CWF19L2: variants seen among roughly 807,000 people sequenced by gnomAD.
CWF19L2 encodes the protein CWF19-like protein 2.
A neutral mutation model predicts 111.7 loss-of-function variants in CWF19L2; 98 were observed. That is an observed-to-expected ratio of 0.88 (90% CI 0.75 to 1.04). CWF19L2 has a LOEUF of 1.04. CWF19L2 is among the 50% of genes least tolerant of loss of function. The pLI, the probability that CWF19L2 is intolerant of heterozygous loss-of-function variation, is 0.00. For synonymous variants in CWF19L2, 351 were observed against 342.9 expected (o/e 1.02, Z -0.26); for missense variants, 1,101 against 1,051.4 (o/e 1.05, Z -0.65).
chr11:107,395,414 G>A (rs1470648518), intron 10 of CWF19L2, among the ~76,000 whole-genome samples: 2 of 152,090 alleles, frequency 1.3e-5, no homozygotes, highest in East Asian at 3.9e-4. Context: ...ACAAATACAA[G>A]AATCACTTTA....
chr11:107,363,583 G>A (rs1276418070), intron 12 of CWF19L2, among the ~76,000 whole-genome samples: 1 of 136,114 alleles, frequency 7.3e-6, no homozygotes. Flanking sequence ...AGCTTCCTAA[G>A]TGAAGGAGAA....
chr11:107,391,830 CACTT>C (rs1165864233), intron 11 of CWF19L2, among the ~76,000 whole-genome samples: 1 of 152,172 alleles, frequency 6.6e-6, no homozygotes, highest in Non-Finnish European at 1.5e-5. Flanking sequence ...TGGCTCCAGA[CACTT>C]AATTTCTGGC....
chr11:107,329,792 TA>T, intron 17 of CWF19L2, 125 bp downstream of exon 17: 2 of 557,086 alleles, frequency 3.6e-6, no homozygotes, highest in Non-Finnish European at 6.2e-6. Context: ...ATTCCCTCTC[TA>T]AAAACTGGGT....
chr11:107,365,167 T>C (rs1233273307), intron 12 of CWF19L2, among the ~76,000 whole-genome samples: 3 of 148,362 alleles, frequency 2.0e-5, no homozygotes, highest in Admixed American at 2.0e-4. Context: ...AGAGCTGAAA[T>C]TGTGGCAACA....
At chr11:107,360,997 T>A (rs975136293) in intron 12 of CWF19L2, among the ~76,000 whole-genome samples, 2 of 152,224 alleles carry the variant, frequency 1.3e-5, no homozygotes, top group Admixed American at 6.5e-5. Context: ...GCTCAGGCTT[T>A]TGAGGTCTTA....
At chr11:107,347,678 A>G (rs594876) in intron 14 of CWF19L2, among the ~76,000 whole-genome samples, 81,752 of 151,980 alleles carry the variant, frequency 0.54, 23,045 homozygotes, top group African/African-American at 0.72. Context: ...TACACCACAT[A>G]TTTTGGCAGA....
At chr11:107,327,513 C>T (rs1351234542) in intron 17 of CWF19L2, among the ~76,000 whole-genome samples, 5 of 152,160 alleles carry the variant, frequency 3.3e-5, no homozygotes, top group African/African-American at 1.2e-4. Context: ...CCACTATTAG[C>T]AGAAATCTTT....
Position 107,375,479 on chromosome 11 carries a change from G to A in CWF19L2, c.1872+14595C>T, listed in dbSNP as rs1276319602. Among the ~76,000 whole-genome samples, 10 of 138,100 alleles carry A rather than the reference G, an allele frequency of 7.2e-5. 1 individual carries two copies. The highest frequency in any genetic ancestry group is 2.5e-4 in the African/African-American group (9 of 35,746). 90.6% of individuals were successfully genotyped at this position (138,100 alleles called of 152,430 possible). Reference sequence around the variant, plus strand: ...AGGATTAAGAATCTCACTCAAAACCGCTCAACTACATGGAAACTGAACAAC... The same window carrying A: ...AGGATTAAGAATCTCACTCAAAACCACTCAACTACATGGAAACTGAACAAC... On this transcript the variant is annotated intron_variant, in intron 12 of 17. Coordinates refer to ENST00000282251, the MANE Select transcript of CWF19L2 (RefSeq NM_152434.3).
chr11:107,426,070 A>G (rs747680306), intron 8 of CWF19L2, among the ~76,000 whole-genome samples: 6 of 151,908 alleles, frequency 3.9e-5, no homozygotes, highest in Non-Finnish European at 8.8e-5. Flanking sequence ...AAAAAGAGTG[A>G]TAAATTTGAA....
chr11:107,371,824 A>G lies in CWF19L2; in HGVS notation c.1873-18088T>C, dbSNP rs931033527. ...CTGACATTCTTAAAAAGTGATCTCT[A>G]CCAAAAAAAGTGGAGAAAGCCAACA... On this transcript the variant is annotated intron_variant, in intron 12 of 17. Transcript: ENST00000282251. Among the ~76,000 whole-genome samples the G allele has an allele frequency of 2.0e-4, 28 of 136,590 alleles. 8 individuals carry two copies. Among genetic ancestry groups the G allele is most frequent in the South Asian group, 2.5e-4 (1 of 4,030 alleles). 89.6% of individuals were successfully genotyped at this position (136,590 alleles called of 152,430 possible).
rs952770711 is a variant in CWF19L2, at chr11:107,392,963, C to A, written c.1618-68G>T. On this transcript the variant is annotated intron_variant, in intron 10 of 17. Coordinates refer to ENST00000282251, the MANE Select transcript of CWF19L2 (RefSeq NM_152434.3). ...AATGTTGAATGTTTTTATTTAATAA[C>A]AAAAAAAGCATTAAAATGATTAACG... 36 of 990,778 alleles carry A rather than the reference C, an allele frequency of 3.6e-5. No individual in the cohort carries two copies. The Admixed American group carries it at 9.0e-4, about 25-fold the overall frequency. 61.4% of individuals were successfully genotyped at this position (990,778 alleles called of 1,614,324 possible). A position where few individuals can be genotyped will look rare whatever the true frequency, so the allele number is the denominator to read the frequency against.
At chr11:107,362,981 A>T (rs950596419) in intron 12 of CWF19L2, among the ~76,000 whole-genome samples, 13 of 152,174 alleles carry the variant, frequency 8.5e-5, no homozygotes, top group Admixed American at 2.6e-4. Flanking sequence ...TGCTTAAAGG[A>T]GCTGATGGAG....
Position 107,348,973 on chromosome 11 carries a change from A to T in CWF19L2, c.2166T>A (p.Ala722=). The T allele has an allele frequency of 6.2e-7, 1 of 1,609,986 alleles. No homozygotes were observed. Among genetic ancestry groups the T allele is most frequent in the Non-Finnish European group, 8.5e-7 (1 of 1,177,256 alleles). The part of the protein sequence containing the change: ...LIVPLQHHRA[A]TLLDEDIWEE... ...CCCAGATGTCTTCATCCAACAAAGT[A>T]GCTGCTCTATGGTGCTGCAAAGGGA... Residue 722 remains alanine, a synonymous_variant, in exon 14 of 18, where the codon GCT becomes GCA. Transcript: ENST00000282251.
chr11:107,335,536 T>C (rs1489450783), intron 15 of CWF19L2, among the ~76,000 whole-genome samples: 1 of 152,194 alleles, frequency 6.6e-6, no homozygotes, highest in African/African-American at 2.4e-5. Context: ...AATGCTTTTA[T>C]TTACCCCTCA....
At chr11:107,353,830 T>C in intron 12 of CWF19L2, 94 bp from the exon 13 acceptor site, 1 of 859,782 alleles carries the variant, frequency 1.2e-6, no homozygotes, top group Middle Eastern at 2.4e-4. Context: ...GTAAGTTCTA[T>C]GATAAAACTA....
chr11:107,389,974 T>A, intron 12 of CWF19L2, 100 bp downstream of exon 12: 1 of 991,092 alleles, frequency 1.0e-6, no homozygotes, highest in Non-Finnish European at 1.5e-6. Flanking sequence ...ATAAAATGAA[T>A]CAAGATTAGA....
intron 12 of CWF19L2, among the ~76,000 whole-genome samples, chr11:107,354,516 A>G (rs761735390): frequency 3.9e-5 from 6 of 151,988 alleles, no homozygotes; most frequent in Admixed American, 6.5e-5. Flanking sequence ...TAGATTTCCA[A>G]TTTTTTCCAA....
chr11:107,425,334 A>C (rs1422089451), intron 8 of CWF19L2, among the ~76,000 whole-genome samples: 1 of 151,874 alleles, frequency 6.6e-6, no homozygotes, highest in African/African-American at 2.4e-5. Flanking sequence ...GACAGACCAC[A>C]TGACAGTAAT....
intron 3 of CWF19L2, among the ~76,000 whole-genome samples, chr11:107,449,889 C>T (rs1352135038): frequency 6.6e-6 from 1 of 152,040 alleles, no homozygotes; most frequent in Admixed American, 6.6e-5. Context: ...CAAACCAGTA[C>T]TATTCAAAGA....
Sources: allele counts gnomAD v4.1 joint callset (sites outside exome capture counted in the v4.1 genomes callset), GRCh38; gene constraint gnomAD v4.1.1; transcripts MANE v1.5; gene names NCBI Gene and HGNC (gene_info 2026-07-23, HGNC 2026-07-21).